Variants in CA10 observed in about 807,000 individuals in gnomAD.
CA10 encodes carbonic anhydrase 10 (inactive).
In CA10, 14 loss-of-function variants were observed where a neutral mutation model predicts 44.2. That is an observed-to-expected ratio of 0.32 (90% confidence interval 0.21 to 0.50). CA10 has a LOEUF of 0.50. Among genes scored for constraint, CA10 ranks in the 20% least tolerant of loss-of-function variants. The probability of loss-of-function intolerance (pLI) is 0.99; values close to 1 mark genes in which losing one functional copy is unlikely to be tolerated. For missense variants in CA10, 350 were observed against 409.7 expected (o/e 0.85, Z 1.26); for synonymous variants, 159 against 141.6 (o/e 1.12, Z -0.87).
intron 2 of CA10, among the ~76,000 whole-genome samples, chr17:52,035,455 C>G (rs1206662494): frequency 1.3e-5 from 2 of 152,194 alleles, no homozygotes; most frequent in Non-Finnish European, 1.5e-5. Context: ...CTCACTTTTC[C>G]TGGATGCTGT....
At chr17:52,004,202 G>C (rs1308615494) in intron 2 of CA10, among the ~76,000 whole-genome samples, 1 of 151,860 alleles carries the variant, frequency 6.6e-6, no homozygotes, top group Non-Finnish European at 1.5e-5. Flanking sequence ...CTTGTTTTCA[G>C]CACCAGAATA....
intron 1 of CA10, chr17:52,135,095 C>A (rs1194638361): frequency 4.8e-6 from 2 of 417,682 alleles, no homozygotes; most frequent in Non-Finnish European, 9.7e-6. Context: ...ACTGAATGGA[C>A]CCTCTATTGG....
At chr17:52,085,106 A>T (rs1988083927) in intron 1 of CA10, among the ~76,000 whole-genome samples, 1 of 152,164 alleles carries the variant, frequency 6.6e-6, no homozygotes, top group African/African-American at 2.4e-5. Context: ...CTTATCCATC[A>T]CTCATAGCTG....
intron 4 of CA10, among the ~76,000 whole-genome samples, chr17:51,695,060 C>T (rs959531288): frequency 5.3e-5 from 8 of 152,106 alleles, no homozygotes; most frequent in African/African-American, 1.9e-4. Context: ...TTACTGTGGC[C>T]TTATAGCATA....
At chr17:51,838,005 G>A (rs1332831854) in intron 3 of CA10, among the ~76,000 whole-genome samples, 2 of 152,224 alleles carry the variant, frequency 1.3e-5, no homozygotes, top group Non-Finnish European at 2.9e-5. Flanking sequence ...TGGAGGGCAA[G>A]TGTCTTGAAG....
chr17:52,076,018 A>C (rs1987808289), intron 1 of CA10, among the ~76,000 whole-genome samples: 1 of 152,202 alleles, frequency 6.6e-6, no homozygotes, highest in African/African-American at 2.4e-5. Flanking sequence ...AAAAAAGAGA[A>C]AGCATACATG....
At chr17:51,947,615 G>A (rs1160706727) in intron 2 of CA10, among the ~76,000 whole-genome samples, 1 of 152,162 alleles carries the variant, frequency 6.6e-6, no homozygotes, top group East Asian at 1.9e-4. Context: ...CACATGCAAA[G>A]TTTTAACAAT....
chr17:51,983,950 C>T (rs1984739984), intron 2 of CA10, among the ~76,000 whole-genome samples: 1 of 151,708 alleles, frequency 6.6e-6, no homozygotes, highest in Non-Finnish European at 1.5e-5. Flanking sequence ...GATTTCTGTT[C>T]TTTTTGGCAA....
At chr17:51,696,300 CT>C (rs940994372) in intron 4 of CA10, among the ~76,000 whole-genome samples, 2 of 151,840 alleles carry the variant, frequency 1.3e-5, no homozygotes, top group Admixed American at 6.6e-5. Flanking sequence ...CTGATTTGGC[CT>C]TTTTTTGGTT....
intron 1 of CA10, among the ~76,000 whole-genome samples, chr17:52,119,240 G>GT (rs1400996326): frequency 2.1e-4 from 31 of 150,872 alleles, no homozygotes; most frequent in Non-Finnish European, 1.5e-4. Flanking sequence ...ACTTATGGCA[G>GT]TATTCATGAC....
At chr17:51,767,952 G>T (rs2143650423) in intron 3 of CA10, among the ~76,000 whole-genome samples, 1 of 152,172 alleles carries the variant, frequency 6.6e-6, no homozygotes, top group South Asian at 2.1e-4. Flanking sequence ...CCTGGGGGTT[G>T]GGGAGCGCTG....
Position 51,638,069 on chromosome 17 carries a change from CT to C in CA10, c.635-2061del, listed in dbSNP as rs753496997. Among the ~76,000 whole-genome samples the C allele has an allele frequency of 1.2e-3, 190 of 152,352 alleles. 1 individual carries two copies. Among genetic ancestry groups the C allele is most frequent in the Non-Finnish European group, 9.6e-4 (65 of 68,040 alleles). ...TTTTCCTTGGCAAAGATGCCCTCTCCTCCATTTCTTCCTCTAGAAATTGCTC... is the reference window on the plus strand; with the variant it reads ...TTTTCCTTGGCAAAGATGCCCTCTCCCCATTTCTTCCTCTAGAAATTGCTC... On this transcript the variant is annotated intron_variant, in intron 6 of 8. Coordinates refer to ENST00000451037, the MANE Select transcript of CA10 (RefSeq NM_020178.5).
In CA10 at chr17:51,705,662, G is replaced by T. The variant is rs375694301; in HGVS notation, c.465+41971C>A. On this transcript the variant is annotated intron_variant, in intron 4 of 8. Transcript: ENST00000451037. ...CTCAAAAGAAATCCACCCATATGTT[G>T]TAAACTCACTGCTCATAAGAGCAAG... 1.4e-4 allele frequency among the ~76,000 whole-genome samples: 22 copies of T among 152,158 alleles called. No individual in the cohort carries two copies. In the East Asian group the frequency reaches 4.0e-3, roughly 28 times the overall value.
chr17:51,871,486 T>G (rs1197621930), intron 3 of CA10, among the ~76,000 whole-genome samples: 1 of 145,294 alleles, frequency 6.9e-6, no homozygotes. Context: ...GTGATCCACC[T>G]GCCTTGGCCT....
Position 52,024,912 on chromosome 17 carries a change from A to T in CA10, c.136+47407T>A, listed in dbSNP as rs567852314. On this transcript the variant is annotated intron_variant, in intron 2 of 8. Transcript: ENST00000451037. ...TGATGATGGTCATAAAGTAAAAATG[A>T]TTATCATTACCATGAAGAAAGAGGA... Among the ~76,000 whole-genome samples the T allele has an allele frequency of 2.6e-5, 4 of 151,916 alleles. No individual in the cohort carries two copies. The South Asian group carries it at 8.3e-4, about 32-fold the overall frequency.
chr17:52,041,298 A>G (rs928553165), intron 2 of CA10, among the ~76,000 whole-genome samples: 68 of 152,254 alleles, frequency 4.5e-4, no homozygotes, highest in African/African-American at 1.5e-3. Context: ...CAATGGCAAC[A>G]AAAGCAGAAA....
At chr17:51,653,292 T>TG (rs1390116356) in intron 5 of CA10, among the ~76,000 whole-genome samples, 15 of 152,340 alleles carry the variant, frequency 9.8e-5, no homozygotes, top group African/African-American at 3.6e-4. Flanking sequence ...TTTAATCCTG[T>TG]GGGGCATTAG....
Position 52,153,504 on chromosome 17 carries a change from C to T in CA10, c.61+4222G>A, listed in dbSNP as rs2143418319. Among the ~76,000 whole-genome samples the T allele has an allele frequency of 2.6e-5, 4 of 152,190 alleles. No homozygotes were observed. The Middle Eastern group carries it at 0.01, about 388-fold the overall frequency. On this transcript the variant is annotated intron_variant, in intron 1 of 8. Coordinates refer to ENST00000451037, the MANE Select transcript of CA10 (RefSeq NM_020178.5). ...TTTCCAGGTAGTTTAGTAAACTTTC[C>T]AAGCCTCAACTCCATATTGGACTCA...
intron 6 of CA10, among the ~76,000 whole-genome samples, chr17:51,639,809 C>T (rs540989865): frequency 3.9e-5 from 6 of 152,196 alleles, no homozygotes; most frequent in South Asian, 2.1e-4. Context: ...GCTCACTCTC[C>T]GTGTGTCCTT....
Sources: allele counts gnomAD v4.1 joint callset (sites outside exome capture counted in the v4.1 genomes callset), GRCh38; gene constraint gnomAD v4.1.1; transcripts MANE v1.5; gene names NCBI Gene and HGNC (gene_info 2026-07-23, HGNC 2026-07-21).